The following BBS1 variants were observed in gnomAD, a reference collection of about 807,000 sequenced individuals.
The protein encoded by BBS1 is BBSome complex member BBS1.
In BBS1, 60 loss-of-function variants were observed where a neutral mutation model predicts 73.9. The observed-to-expected ratio is 0.81, with a 90% confidence interval of 0.66 to 1.01. The LOEUF is 1.01. Among genes scored for constraint, BBS1 ranks in the 50% least tolerant of loss-of-function variants. BBS1 has a pLI of 0.00. For missense variants in BBS1, 718 were observed against 770.3 expected (o/e 0.93, Z 0.80); for synonymous variants, 283 against 317.4 (o/e 0.89, Z 1.15).
At chr11:66,516,834 G>A (rs1856059491) in intron 7 of BBS1, among the ~76,000 whole-genome samples, 2 of 152,126 alleles carry the variant, frequency 1.3e-5, no homozygotes, top group African/African-American at 2.4e-5. Flanking sequence ...TGCTATTACA[G>A]GAATGAGCTG....
chr11:66,520,987 G>A (rs1466010793), intron 8 of BBS1: 2 of 447,752 alleles, frequency 4.5e-6, no homozygotes, highest in Middle Eastern at 4.2e-4. Flanking sequence ...TCAAAGTGTT[G>A]GGATTACAGG....
chr11:66,526,688 T>G lies in BBS1; in HGVS notation c.1220T>G (p.Val407Gly), dbSNP rs755412759. Residue 407 changes from valine to glycine, a missense_variant, in exon 13 of 17, where the codon GTG (valine) becomes GGG (glycine). Physicochemically the swap from Val to Gly is moderately radical, Grantham distance 109 (BLOSUM62 -3). Coordinates refer to ENST00000318312, the MANE Select transcript of BBS1 (RefSeq NM_024649.5). ...LIIKILKRTAVFVEGGSEVGP... is the reference protein window; with the variant it reads ...LIIKILKRTAGFVEGGSEVGP... ...ATCAAGATCCTGAAGCGTACAGCAG[T>G]GTTTGTAGAGGGAGGAAGTGAGGTG... The G allele has an allele frequency of 6.2e-7, 1 of 1,614,154 alleles. No individual in the cohort carries two copies. The highest frequency in any genetic ancestry group is 1.7e-5 in the Admixed American group (1 of 60,026).
chr11:66,514,814 T>C, intron 4 of BBS1, 136 bp downstream of exon 4: 1 of 973,966 alleles, frequency 1.0e-6, no homozygotes, highest in Non-Finnish European at 1.5e-6. Context: ...GCAGCAGTGA[T>C]GGCACTTTTT....
intron 14 of BBS1, among the ~76,000 whole-genome samples, chr11:66,530,545 C>T (rs1376470254): frequency 1.3e-5 from 2 of 151,972 alleles, no homozygotes; most frequent in Non-Finnish European, 2.9e-5. Flanking sequence ...GAAGAGGCTA[C>T]AAGGCAACTC....
chr11:66,523,093 C>T, intron 9 of BBS1: 1 of 467,122 alleles, frequency 2.1e-6, no homozygotes, highest in Admixed American at 2.4e-5. Flanking sequence ...ATCCTTTTCT[C>T]ATAATAAAGT....
At chr11:66,520,195 A>T in intron 8 of BBS1, 1 of 185,632 alleles carries the variant, frequency 5.4e-6, no homozygotes, top group Non-Finnish European at 1.2e-5. Flanking sequence ...TAAAAGCAGG[A>T]GGATCATGTA....
chr11:66,518,194 T>C (rs2134777855), intron 7 of BBS1, among the ~76,000 whole-genome samples: 1 of 152,046 alleles, frequency 6.6e-6, no homozygotes, highest in African/African-American at 2.4e-5. Flanking sequence ...CAACCTCACG[T>C]GATCCACCCA....
intron 9 of BBS1, among the ~76,000 whole-genome samples, chr11:66,522,327 T>C (rs1447668398): frequency 1.3e-5 from 2 of 151,644 alleles, no homozygotes; most frequent in African/African-American, 2.4e-5. Context: ...TAATATTCCA[T>C]ATAAAATGCT....
rs777838678 is a variant in BBS1, at chr11:66,526,712, T to G, written c.1244T>G (p.Val415Gly). ...TAVFVEGGSE[V>G]GPPPAQAMKL... is the part of the protein sequence containing the mutation. ...GTGTTTGTAGAGGGAGGAAGTGAGGTGGGTCCCCCACCAGCCCAGGCCATG... is the reference window on the plus strand; with the variant it reads ...GTGTTTGTAGAGGGAGGAAGTGAGGGGGGTCCCCCACCAGCCCAGGCCATG... Residue 415 changes from valine to glycine, a missense_variant, in exon 13 of 17, where the codon GTG (valine) becomes GGG (glycine). Val to Gly is a moderately radical substitution (Grantham distance 109, BLOSUM62 -3). Transcript: ENST00000318312. 49 of 1,614,004 alleles carry G rather than the reference T, an allele frequency of 3.0e-5. No homozygotes were observed. Among genetic ancestry groups the G allele is most frequent in the Middle Eastern group, 3.3e-4 (2 of 6,084 alleles).
chr11:66,514,290 GCA>G, intron 3 of BBS1, 114 bp from the exon 4 acceptor site: 3 of 1,408,524 alleles, frequency 2.1e-6, no homozygotes, highest in East Asian at 2.3e-5. Flanking sequence ...AAGCCTGAGG[GCA>G]AAGCCTTTAT....
rs1003294074 is a variant in BBS1 at position 66,512,284 on chromosome 11, G to C, written c.159+1045G>C. The stretch of plus-strand genomic sequence containing the variant: ...TAGTTTCAAAGAGGTGAAGTTTACT[G>C]AATTTGTAACTGGGTCTGTTTGATT... On this transcript the variant is annotated intron_variant, in intron 3 of 16. Coordinates refer to ENST00000318312, the MANE Select transcript of BBS1 (RefSeq NM_024649.5). Among the ~76,000 whole-genome samples, 3 of 151,964 alleles carry C rather than the reference G, an allele frequency of 2.0e-5. No individual in the cohort carries two copies. The South Asian group carries it at 6.2e-4, about 31-fold the overall frequency.
chr11:66,523,999 G>A (rs1856371597), intron 11 of BBS1, 117 bp downstream of exon 11: 4 of 1,446,726 alleles, frequency 2.8e-6, no homozygotes, highest in Non-Finnish European at 3.8e-6. Flanking sequence ...ATTTGTTGAG[G>A]CCAGGCACAG....
intron 13 of BBS1, chr11:66,529,609 AAG>A (rs2134829017): frequency 1.4e-6 from 1 of 697,934 alleles, no homozygotes; most frequent in Non-Finnish European, 2.5e-6. Flanking sequence ...GGGAGGTGGT[AAG>A]AGAGTGAGAA....
chr11:66,514,265 G>A (rs1590756287), intron 3 of BBS1, 141 bp from the exon 4 acceptor site: 2 of 1,137,044 alleles, frequency 1.8e-6, no homozygotes, highest in East Asian at 4.7e-5. Context: ...ACTTTCCCAA[G>A]GTCAGGCAGC....
chr11:66,533,303 TAACAAGAA>T lies in BBS1; in HGVS notation c.*1271_*1278del, dbSNP rs1856856755. ...TACTAATGTGGAATTACACAGTTTG[TAACAAGAA>T]AACAGTCTCTCCCATTCTCTAGTAC... On this transcript the variant is annotated 3_prime_UTR_variant, in exon 17 of 17. Transcript: ENST00000318312. The T allele has an allele frequency of 6.6e-6, 1 of 152,240 alleles. No individual in the cohort carries two copies. The highest frequency in any genetic ancestry group is 1.5e-5 in the Non-Finnish European group (1 of 68,044). The allele number at this position is 152,240 out of a possible 1,614,324, so 9.4% of individuals were successfully genotyped here. A position where few individuals can be genotyped will look rare whatever the true frequency, so the allele number is the denominator to read the frequency against.
intron 3 of BBS1, among the ~76,000 whole-genome samples, chr11:66,512,052 GTGTATATATA>G (rs1246765280): frequency 6.9e-6 from 1 of 144,770 alleles, no homozygotes; most frequent in Non-Finnish European, 1.5e-5. Context: ...GTATATATAT[GTGTATATATA>G]TGTATATATA....
At chr11:66,531,906 G>A in intron 16 of BBS1, 45 bp from the exon 17 acceptor site, 1 of 1,570,660 alleles carries the variant, frequency 6.4e-7, no homozygotes, top group Non-Finnish European at 8.6e-7. Flanking sequence ...CCAGGCAAGG[G>A]GTCAGGGGTG....
intron 13 of BBS1, chr11:66,529,192 G>C (rs1404648065): frequency 3.4e-6 from 5 of 1,463,182 alleles, no homozygotes; most frequent in Non-Finnish European, 4.5e-6. Context: ...ACAGTGGGGT[G>C]GGGGCGGGGT....
intron 4 of BBS1, 64 bp from the exon 5 acceptor site, chr11:66,515,476 G>A (rs375331833): frequency 1.9e-6 from 3 of 1,561,322 alleles, no homozygotes; most frequent in Non-Finnish European, 2.6e-6. Flanking sequence ...AGCTGTCTGG[G>A]GGTGTAGACA....
Sources: gnomAD v4.1 joint callset for allele counts (sites outside exome capture counted in the v4.1 genomes callset) on GRCh38, gnomAD v4.1.1 for gene constraint, MANE v1.5 for transcripts, NCBI Gene and HGNC (gene_info 2026-07-23, HGNC 2026-07-21) for gene names.